TENM3: variants seen among roughly 807,000 people sequenced by gnomAD.
TENM3 encodes teneurin-3.
In TENM3, 63 loss-of-function variants were observed where a neutral mutation model predicts 255.1. The observed-to-expected ratio is 0.25, with a 90% CI of 0.20 to 0.30. The LOEUF (loss-of-function observed/expected upper bound fraction) is 0.30, where lower values mean the gene tolerates loss of function less well. Ranked by LOEUF, TENM3 falls within the 10% of genes least tolerant of loss-of-function variation. The pLI is 1.00. For synonymous variants in TENM3, 1,306 were observed against 1,322.3 expected (o/e 0.99, Z 0.27); for missense variants, 2,929 against 3,461.1 (o/e 0.85, Z 3.86).
chr4:182,455,809 G>A (rs900773735), intron 3 of TENM3, among the ~76,000 whole-genome samples: 3 of 152,024 alleles, frequency 2.0e-5, no homozygotes, highest in African/African-American at 4.8e-5. Flanking sequence ...TGATCCACCC[G>A]CCTCAGCCTC....
the TENM3 span, among the ~76,000 whole-genome samples, chr4:181,501,292 C>A: frequency 5.3e-3 from 808 of 151,876 alleles, 7 homozygotes; most frequent in African/African-American, 0.018. Context: ...TTTTGAAAGT[C>A]GATTTTTCTT....
intron 3 of TENM3, among the ~76,000 whole-genome samples, chr4:182,387,956 C>G (rs72699955): frequency 7.3e-6 from 1 of 136,384 alleles, no homozygotes; most frequent in East Asian, 2.2e-4. Flanking sequence ...AAAAAAAAAC[C>G]AACAAACGAA....
chr4:181,736,556 A>T, the TENM3 span, among the ~76,000 whole-genome samples: 28 of 151,652 alleles, frequency 1.8e-4, no homozygotes, highest in South Asian at 5.9e-3. Flanking sequence ...TGTTCAAAAA[A>T]TTTTCCTGGT....
At chr4:182,206,722 G>T (rs750222483) in intron 1 of TENM3, among the ~76,000 whole-genome samples, 1 of 152,162 alleles carries the variant, frequency 6.6e-6, no homozygotes, top group Non-Finnish European at 1.5e-5. Context: ...TCATTCCAGA[G>T]TTTTTGTCCC....
At chr4:182,469,786 T>C (rs750674621) in intron 3 of TENM3, among the ~76,000 whole-genome samples, 4 of 151,786 alleles carry the variant, frequency 2.6e-5, no homozygotes, top group African/African-American at 9.7e-5. Context: ...ATTATACCAA[T>C]AGTTTGTTAA....
chr4:182,116,588 G>A, the TENM3 span, among the ~76,000 whole-genome samples: 2 of 152,240 alleles, frequency 1.3e-5, no homozygotes, highest in African/African-American at 4.8e-5. Context: ...CTTCCATCAT[G>A]ATTGTAAGTT....
chr4:181,765,688 T>C, the TENM3 span, among the ~76,000 whole-genome samples: 1 of 152,112 alleles, frequency 6.6e-6, no homozygotes, highest in African/African-American at 2.4e-5. Flanking sequence ...AATACATAAA[T>C]AATGAGGCAC....
chr4:181,917,686 G>A, the TENM3 span, among the ~76,000 whole-genome samples: 3 of 144,014 alleles, frequency 2.1e-5, no homozygotes, highest in African/African-American at 7.8e-5. Context: ...TTTTGAGACA[G>A]GGTCTTGCTC....
Position 182,574,226 on chromosome 4 carries a change from C to A in TENM3, c.512-26698C>A, listed in dbSNP as rs144910077. On this transcript the variant is annotated intron_variant, in intron 3 of 27. Coordinates refer to ENST00000511685, the MANE Select transcript of TENM3 (RefSeq NM_001080477.4). Reference sequence around the variant, plus strand: ...TTTTCAATCTTTTAAAATGACTTGTCATGTCAAATTGAATACCGTAGCGTG... The same window carrying A: ...TTTTCAATCTTTTAAAATGACTTGTAATGTCAAATTGAATACCGTAGCGTG... 6.6e-5 allele frequency among the ~76,000 whole-genome samples: 10 copies of A among 152,144 alleles called. No homozygotes were observed. In the East Asian group the frequency reaches 1.7e-3, roughly 26 times the overall value.
intron 3 of TENM3, among the ~76,000 whole-genome samples, chr4:182,480,798 C>T (rs901813784): frequency 6.6e-6 from 1 of 152,018 alleles, no homozygotes; most frequent in African/African-American, 2.4e-5. Flanking sequence ...TCTCTAGACA[C>T]AATATGAATT....
chr4:182,266,201 G>A lies in TENM3; in HGVS notation c.-76+22725G>A, dbSNP rs1268732195. On this transcript the variant is annotated intron_variant, in intron 1 of 27. Transcript: ENST00000511685. ...TTTCACCAAAAATAGAAGTTGCTAA[G>A]AGTTAACATTATAACATGTAATTAA... Among the ~76,000 whole-genome samples the A allele has an allele frequency of 2.6e-5, 4 of 152,158 alleles. No homozygotes were observed. In the East Asian group the frequency reaches 7.7e-4, roughly 29 times the overall value.
intron 3 of TENM3, among the ~76,000 whole-genome samples, chr4:182,547,207 C>CA (rs915166665): frequency 1.3e-5 from 2 of 151,874 alleles, no homozygotes; most frequent in African/African-American, 4.8e-5. Flanking sequence ...CAACTTAGTA[C>CA]AAAAAAACAC....
At chr4:182,043,732 A>G in the TENM3 span, among the ~76,000 whole-genome samples, 1 of 152,200 alleles carries the variant, frequency 6.6e-6, no homozygotes, top group African/African-American at 2.4e-5. Flanking sequence ...CTCTGAGCTG[A>G]AATGTAATCA....
chr4:181,561,259 C>G, the TENM3 span, among the ~76,000 whole-genome samples: 19,025 of 152,068 alleles, frequency 0.13, 1,345 homozygotes, highest in African/African-American at 0.19. Flanking sequence ...CCACCTTTAT[C>G]CCTCAATATT....
At chr4:181,716,396 C>T in the TENM3 span, among the ~76,000 whole-genome samples, 4 of 152,270 alleles carry the variant, frequency 2.6e-5, no homozygotes, top group South Asian at 8.3e-4. Context: ...GCTGTTCTTA[C>T]TAAGTGAAGT....
At position 182,628,680 on chromosome 4, in the gene TENM3, C is replaced by T; in HGVS notation, c.779C>T (p.Thr260Ile). Residue 260 changes from threonine (T) to isoleucine (I), a missense_variant, in exon 5 of 28, where the codon ACA becomes ATA. Thr to Ile is a moderately conservative substitution (Grantham distance 89). This residue lies in a region of TENM3 where 1,608 missense variants were observed against 1,884.4 expected (regional missense o/e 0.85). Transcript: ENST00000511685. ...TTCCTATTCAAAACAGGAACAGGTA[C>T]AACGCCACTGTTCAGTACTGCAACC... ...RHFLFKTGTG[T>I]TPLFSTATPG... The T allele has an allele frequency of 1.3e-6, 2 of 1,599,812 alleles. No individual in the cohort carries two copies.
the TENM3 span, among the ~76,000 whole-genome samples, chr4:181,952,803 G>A: frequency 4.6e-5 from 7 of 152,346 alleles, no homozygotes; most frequent in Middle Eastern, 3.4e-3. Flanking sequence ...ACATTGAGCC[G>A]CAGGCGCTGG....
At chr4:182,475,337 C>T (rs1321310788) in intron 3 of TENM3, among the ~76,000 whole-genome samples, 1 of 151,950 alleles carries the variant, frequency 6.6e-6, no homozygotes, top group East Asian at 1.9e-4. Context: ...TATGTAAATA[C>T]AAAACTGGTC....
the TENM3 span, among the ~76,000 whole-genome samples, chr4:181,932,385 T>C: frequency 6.6e-6 from 1 of 152,192 alleles, no homozygotes; most frequent in East Asian, 1.9e-4. Context: ...AAAGAGGACA[T>C]TTATGTGGCC....
Sources: allele counts gnomAD v4.1 joint callset (sites outside exome capture counted in the v4.1 genomes callset), GRCh38; gene constraint gnomAD v4.1.1; regional missense constraint gnomAD v4.1.1; transcripts MANE v1.5; gene names NCBI Gene and HGNC (gene_info 2026-07-23, HGNC 2026-07-21).